The following NFIC variants were observed in gnomAD, a reference collection of about 807,000 sequenced individuals.
NFIC encodes nuclear factor I C, also known as nuclear factor 1 C-type.
A neutral mutation model predicts 54.4 loss-of-function variants in NFIC; 12 were observed. The observed-to-expected ratio is 0.22, with a 90% CI of 0.14 to 0.36. The LOEUF is 0.36. Ranked by LOEUF, NFIC falls within the 10% of genes least tolerant of loss-of-function variation. The pLI is 1.00. For missense variants in NFIC, 575 were observed against 718.2 expected (o/e 0.80, Z 2.28); for synonymous variants, 322 against 319.2 (o/e 1.01, Z -0.09).
intron 2 of NFIC, among the ~76,000 whole-genome samples, chr19:3,418,094 CTTTTCTT>C (rs1568435644): frequency 1.4e-5 from 2 of 145,766 alleles, no homozygotes. Context: ...ATTTAATTTT[CTTTTCTT>C]TTTTTTTTTT....
chr19:3,432,743 C>T (rs1292136687), intron 3 of NFIC, among the ~76,000 whole-genome samples: 1 of 148,040 alleles, frequency 6.8e-6, no homozygotes, highest in African/African-American at 2.5e-5. Context: ...GGCGCAATCT[C>T]GGCTCACTGC....
rs1325575073 is a variant in NFIC, at chr19:3,453,057, T to A, written c.1269+391T>A. ...CAAGACCAACCTGGGCAGCATAGCG[T>A]GACCCAGTTTCTACAAAAAAAATAC... On this transcript the variant is annotated intron_variant, in intron 8 of 10. Coordinates refer to ENST00000443272, the MANE Select transcript of NFIC (RefSeq NM_001245002.2). The surrounding 1 kb of genome is among the most constrained non-coding windows in gnomAD (Gnocchi z 6.7). Among the ~76,000 whole-genome samples the A allele has an allele frequency of 6.6e-6, 1 of 152,110 alleles. No individual in the cohort carries two copies. The highest frequency in any genetic ancestry group is 6.6e-5 in the Admixed American group (1 of 15,258).
intron 6 of NFIC, among the ~76,000 whole-genome samples, chr19:3,440,517 G>C (rs1417958869): frequency 3.3e-5 from 5 of 151,004 alleles, no homozygotes; most frequent in Non-Finnish European, 7.4e-5. Context: ...TGCAAGCTCT[G>C]CCTCCCAGGT....
intron 7 of NFIC, among the ~76,000 whole-genome samples, chr19:3,450,579 C>T (rs573360836): frequency 1.3e-5 from 2 of 151,682 alleles, no homozygotes; most frequent in African/African-American, 2.4e-5. Context: ...TTCTTGAACC[C>T]GGGAGGCGGA....
chr19:3,434,475 C>T, intron 5 of NFIC, 75 bp downstream of exon 5: 10 of 1,483,836 alleles, frequency 6.7e-6, no homozygotes, highest in Non-Finnish European at 9.0e-6. Context: ...CCCGAGCTGA[C>T]TCATTCCTCT....
At chr19:3,460,462 C>T (rs957893061) in intron 10 of NFIC, among the ~76,000 whole-genome samples, 23 of 152,078 alleles carry the variant, frequency 1.5e-4, no homozygotes, top group African/African-American at 5.3e-4. Context: ...CCCTCCTTCA[C>T]GGGGATACCG....
chr19:3,446,632 C>T (rs1403331979), intron 6 of NFIC, among the ~76,000 whole-genome samples: 4 of 152,198 alleles, frequency 2.6e-5, no homozygotes, highest in Non-Finnish European at 4.4e-5. Flanking sequence ...TCTAAAAATT[C>T]GGCTCCCCAG....
At chr19:3,438,429 CTTTTTTTTTT>C in intron 6 of NFIC, among the ~76,000 whole-genome samples, 1 of 124,058 alleles carries the variant, frequency 8.1e-6, no homozygotes, top group Non-Finnish European at 1.7e-5. Context: ...CTGAGGGTTT[CTTTTTTTTTT>C]TTTTTTTTTT....
At chr19:3,451,232 A>T (rs1267033377) in intron 7 of NFIC, among the ~76,000 whole-genome samples, 1 of 152,188 alleles carries the variant, frequency 6.6e-6, no homozygotes, top group African/African-American at 2.4e-5. Context: ...CATTTCTATG[A>T]AATGTCCAGG....
At chr19:3,431,485 C>T (rs886671230) in intron 3 of NFIC, among the ~76,000 whole-genome samples, 4 of 150,202 alleles carry the variant, frequency 2.7e-5, no homozygotes, top group Non-Finnish European at 4.4e-5. Flanking sequence ...CCTCCCGCCT[C>T]GGCCTCCCAA....
At chr19:3,393,377 C>T (rs1333986235) in intron 2 of NFIC, among the ~76,000 whole-genome samples, 2 of 152,112 alleles carry the variant, frequency 1.3e-5, no homozygotes, top group African/African-American at 4.8e-5. Flanking sequence ...AGAATCTCAA[C>T]GCTGAAGTGG....
rs1324322551 is a variant in NFIC at position 3,375,491 on chromosome 19, G to C, written c.31-6221G>C. On this transcript the variant is annotated intron_variant, in intron 1 of 10. Transcript: ENST00000443272. This position sits in a 1 kb window ranked among gnomAD's most constrained non-coding sequence, Gnocchi z 4.6. ...ATCTCTGGGTCTCATCCAGTCAGGG[G>C]CAGGGACGAGATTGGACAGGGCCTG... is the stretch of plus-strand genomic sequence containing the variant. Among the ~76,000 whole-genome samples, 4 of 152,350 alleles carry C rather than the reference G, an allele frequency of 2.6e-5. No homozygotes were observed. The highest frequency in any genetic ancestry group is 9.6e-5 in the African/African-American group (4 of 41,592).
At chr19:3,449,936 T>C (rs144263465) in intron 7 of NFIC, among the ~76,000 whole-genome samples, 2,790 of 151,960 alleles carry the variant, frequency 0.018, 60 homozygotes, top group East Asian at 0.099. Context: ...GCGCCTGTAG[T>C]CCCAGCTACT....
rs372367068 is a variant in NFIC, at chr19:3,452,666, G to A, written c.1269G>A (p.Pro423=). Residue 423 remains proline, a splice_region_variant and synonymous_variant, in exon 8 of 11, where the codon CCG becomes CCA. Transcript: ENST00000443272. This position sits in a 1 kb window ranked among gnomAD's most constrained non-coding sequence, Gnocchi z 5.3. ...ACCCAGCCAGCCAGCAACCTGGACC[G>A]GTGAGTTGGGCGGGGCGCATTCGGG... ...ACDPASQQPG[P]LNGSGQLKMP... is the part of the protein sequence containing the mutation. The A allele has an allele frequency of 7.4e-5, 119 of 1,602,106 alleles. No individual in the cohort carries two copies. The highest frequency in any genetic ancestry group is 8.8e-5 in the Non-Finnish European group (103 of 1,174,656).
rs1455303404 is a variant in NFIC at position 3,375,981 on chromosome 19, T to A, written c.31-5731T>A. 6.6e-6 allele frequency among the ~76,000 whole-genome samples: 1 copy of A among 150,574 alleles called. No homozygotes were observed. Among genetic ancestry groups the A allele is most frequent in the African/African-American group, 2.4e-5 (1 of 40,862 alleles). On this transcript the variant is annotated intron_variant, in intron 1 of 10. Coordinates refer to ENST00000443272, the MANE Select transcript of NFIC (RefSeq NM_001245002.2). This position sits in a 1 kb window ranked among gnomAD's most constrained non-coding sequence, Gnocchi z 4.6. ...AAGGGACCCGTGGCCTTCCAGGGGG[T>A]CAGGGCCCTGATTCTTATCCTCACA...
chr19:3,432,999 CT>C (rs1369001489), intron 3 of NFIC, among the ~76,000 whole-genome samples: 1 of 150,208 alleles, frequency 6.7e-6, no homozygotes, highest in Admixed American at 6.7e-5. Context: ...GGGTGTCGCC[CT>C]GTTTCCCAGG....
chr19:3,366,019 G>A (rs962454854), upstream of NFIC, among the ~76,000 whole-genome samples: 4 of 147,912 alleles, frequency 2.7e-5, no homozygotes, highest in Admixed American at 6.7e-5. Flanking sequence ...CTCTGCGCAC[G>A]TCACTTCTTC....
At chr19:3,451,971 G>C (rs2082470636) in intron 7 of NFIC, among the ~76,000 whole-genome samples, 1 of 152,012 alleles carries the variant, frequency 6.6e-6, no homozygotes, top group Non-Finnish European at 1.5e-5. Flanking sequence ...ACAAAAGTTA[G>C]CCAGGCATGG....
At chr19:3,426,382 A>C (rs1568441448) in intron 3 of NFIC, among the ~76,000 whole-genome samples, 1 of 152,046 alleles carries the variant, frequency 6.6e-6, no homozygotes, top group Non-Finnish European at 1.5e-5. Context: ...CCCAGCCCTC[A>C]TGGGGCGTCT....
Sources: gnomAD v4.1 joint callset for allele counts (sites outside exome capture counted in the v4.1 genomes callset) on GRCh38, gnomAD v4.1.1 for gene constraint, Gnocchi (gnomAD v3.1) non-coding constraint, MANE v1.5 for transcripts, NCBI Gene and HGNC (gene_info 2026-07-23, HGNC 2026-07-21) for gene names.